The following CDH12 variants were observed in gnomAD, a reference collection of about 807,000 sequenced individuals.
CDH12 encodes the protein cadherin 12, also known as cadherin-12.
A neutral mutation model predicts 74.1 loss-of-function variants in CDH12; 41 were observed. The ratio of observed to expected loss-of-function variants is 0.55; its 90% CI spans 0.43 to 0.72. The LOEUF (loss-of-function observed/expected upper bound fraction) is 0.72, where lower values mean the gene tolerates loss of function less well. Among genes scored for constraint, CDH12 ranks in the 30% least tolerant of loss-of-function variants. The pLI is 0.00. For synonymous variants in CDH12, 399 were observed against 355.0 expected, an observed-to-expected ratio of 1.12 and a Z score of -1.39; for missense variants, 945 against 977.2, an observed-to-expected ratio of 0.97 and a Z score of 0.44.
At chr5:21,894,950 G>C (rs1753055020) in intron 6 of CDH12, among the ~76,000 whole-genome samples, 1 of 151,678 alleles carries the variant, frequency 6.6e-6, no homozygotes, top group South Asian at 2.1e-4. Flanking sequence ...AAAATGTGAA[G>C]GGAAATTACT....
In CDH12 at chr5:21,907,138, G is replaced by A. The variant is rs150523018; in HGVS notation, c.527-52348C>T. Among the ~76,000 whole-genome samples the A allele has an allele frequency of 5.9e-5, 9 of 152,264 alleles. No homozygotes were observed. In the East Asian group the frequency reaches 1.7e-3, roughly 29 times the overall value. On this transcript the variant is annotated intron_variant, in intron 6 of 14. Transcript: ENST00000382254. ...TCATATAAACTCCAGCAACATCCCC[G>A]CATGCATTAGAAAACCTGGGGTGCT...
intron 4 of CDH12, among the ~76,000 whole-genome samples, chr5:22,160,976 C>T (rs1474307970): frequency 6.6e-6 from 1 of 152,168 alleles, no homozygotes; most frequent in East Asian, 1.9e-4. Flanking sequence ...TTGGGAAAGT[C>T]ATGCATGGCT....
intron 6 of CDH12, among the ~76,000 whole-genome samples, chr5:21,880,611 CCTTCCTTCTTTCTTTCTTTCTTTCT>C (rs1752249314): frequency 1.3e-5 from 1 of 79,488 alleles, no homozygotes; most frequent in African/African-American, 4.6e-5. Flanking sequence ...TTCCTTCCTT[CCTTCCTTCTTTCTTTCTTTCTTTCT>C]TTCTTTCTTT....
At chr5:22,806,564 C>G (rs370806738) in intron 1 of CDH12, among the ~76,000 whole-genome samples, 3 of 151,996 alleles carry the variant, frequency 2.0e-5, no homozygotes, top group South Asian at 4.1e-4. Flanking sequence ...CCGTGTTAGC[C>G]AGGATGGTCT....
intron 1 of CDH12, among the ~76,000 whole-genome samples, chr5:22,703,399 G>A (rs1444664950): frequency 6.6e-6 from 1 of 152,014 alleles, no homozygotes; most frequent in Non-Finnish European, 1.5e-5. Flanking sequence ...TACACCATCT[G>A]TATGACATTT....
At chr5:22,445,007 A>G (rs1410324230) in intron 2 of CDH12, among the ~76,000 whole-genome samples, 1 of 152,112 alleles carries the variant, frequency 6.6e-6, no homozygotes, top group Non-Finnish European at 1.5e-5. Flanking sequence ...AGGCAGTTGA[A>G]TTTCAATTAG....
intron 3 of CDH12, among the ~76,000 whole-genome samples, chr5:22,290,064 G>A (rs889628538): frequency 2.6e-5 from 4 of 152,132 alleles, no homozygotes; most frequent in Non-Finnish European, 5.9e-5. Context: ...TGAGCCCTGG[G>A]CTTTTGAAAA....
intron 4 of CDH12, among the ~76,000 whole-genome samples, chr5:22,168,963 C>T (rs529721778): frequency 5.6e-4 from 83 of 148,960 alleles, no homozygotes; most frequent in Middle Eastern, 6.9e-3. Context: ...TTCTTTTTCT[C>T]TCAGATGAGA....
At chr5:22,831,490 G>T (rs1736610565) in intron 1 of CDH12, among the ~76,000 whole-genome samples, 1 of 151,888 alleles carries the variant, frequency 6.6e-6, no homozygotes, top group Admixed American at 6.6e-5. Context: ...AGGATGTCAA[G>T]TGAAGGGATA....
chr5:22,563,313 C>A (rs2126753762), intron 1 of CDH12, among the ~76,000 whole-genome samples: 1 of 152,068 alleles, frequency 6.6e-6, no homozygotes, highest in Middle Eastern at 3.4e-3. Flanking sequence ...TTTTGATTTG[C>A]ATTTCTCTGA....
intron 5 of CDH12, among the ~76,000 whole-genome samples, chr5:21,983,272 C>T (rs1371205805): frequency 6.6e-6 from 1 of 151,984 alleles, no homozygotes; most frequent in Non-Finnish European, 1.5e-5. Context: ...AATCATTTCT[C>T]TTCATACATT....
chr5:21,832,907 TGA>T (rs1749137922), intron 8 of CDH12, among the ~76,000 whole-genome samples: 2 of 80,806 alleles, frequency 2.5e-5, no homozygotes, highest in African/African-American at 1.6e-4. Flanking sequence ...ATATAATATA[TGA>T]TATAATATTA....
At chr5:22,148,783 C>T (rs1271527677) in intron 4 of CDH12, among the ~76,000 whole-genome samples, 1 of 152,140 alleles carries the variant, frequency 6.6e-6, no homozygotes, top group Non-Finnish European at 1.5e-5. Context: ...TATAACTCCC[C>T]TGCATCTTTG....
At chr5:22,428,293 A>G (rs1028298702) in intron 2 of CDH12, among the ~76,000 whole-genome samples, 1 of 152,152 alleles carries the variant, frequency 6.6e-6, no homozygotes, top group Non-Finnish European at 1.5e-5. Context: ...ATTTTTATCT[A>G]TAGCGGAAAC....
chr5:22,544,147 T>G (rs1738216696), intron 1 of CDH12, among the ~76,000 whole-genome samples: 1 of 152,168 alleles, frequency 6.6e-6, no homozygotes, highest in Admixed American at 6.6e-5. Context: ...TTTTTTATTT[T>G]CATTGCCTAT....
At chr5:22,223,215 A>G (rs1171297492) in intron 3 of CDH12, among the ~76,000 whole-genome samples, 1 of 152,020 alleles carries the variant, frequency 6.6e-6, no homozygotes, top group African/African-American at 2.4e-5. Context: ...TTAATCCTTA[A>G]TGCTAAGCAG....
intron 6 of CDH12, among the ~76,000 whole-genome samples, chr5:21,920,654 C>T (rs920605616): frequency 7.3e-5 from 3 of 41,106 alleles, no homozygotes; most frequent in Admixed American, 2.6e-4. Context: ...CACATGTACC[C>T]CAGAACTTAA....
At chr5:22,563,849 A>C (rs1739174890) in intron 1 of CDH12, among the ~76,000 whole-genome samples, 5 of 151,576 alleles carry the variant, frequency 3.3e-5, no homozygotes, top group Admixed American at 3.3e-4. Flanking sequence ...GTGCAGAGAA[A>C]CTCCCATTTT....
At chr5:22,271,520 G>A (rs79270726) in intron 3 of CDH12, among the ~76,000 whole-genome samples, 1 of 152,082 alleles carries the variant, frequency 6.6e-6, no homozygotes, top group East Asian at 1.9e-4. Context: ...ATGTTCTTAA[G>A]AGCATCTTGC....
Sources: allele counts gnomAD v4.1 joint callset (sites outside exome capture counted in the v4.1 genomes callset), GRCh38; gene constraint gnomAD v4.1.1; transcripts MANE v1.5; gene names NCBI Gene and HGNC (gene_info 2026-07-23, HGNC 2026-07-21).